The following NCAM2 variants were observed in gnomAD, a reference collection of about 807,000 sequenced individuals.
NCAM2 encodes neural cell adhesion molecule 2.
In NCAM2, 30 loss-of-function variants were observed where a neutral mutation model predicts 98.1. That is an observed-to-expected ratio of 0.31 (90% CI 0.23 to 0.41). NCAM2 has a LOEUF of 0.41. Among genes scored for constraint, NCAM2 ranks in the 10% least tolerant of loss-of-function variants. The pLI is 1.00. For synonymous variants in NCAM2, 368 were observed against 342.4 expected, an observed-to-expected ratio of 1.07 and a Z score of -0.83; for missense variants, 867 against 1,005.8, an observed-to-expected ratio of 0.86 and a Z score of 1.87.
chr21:21,250,042 G>T (rs144931826), intron 1 of NCAM2, among the ~76,000 whole-genome samples: 1 of 152,242 alleles, frequency 6.6e-6, no homozygotes, highest in African/African-American at 2.4e-5. Context: ...GCAGTAATAG[G>T]TTCGGATAGA....
intron 9 of NCAM2, among the ~76,000 whole-genome samples, chr21:21,380,158 GC>G (rs1344391597): frequency 6.6e-6 from 1 of 152,142 alleles, no homozygotes; most frequent in African/African-American, 2.4e-5. Context: ...ACACCCAAGA[GC>G]AATACTTTGC....
intron 12 of NCAM2, among the ~76,000 whole-genome samples, chr21:21,459,580 T>G (rs1982660714): frequency 6.7e-6 from 1 of 149,186 alleles, no homozygotes; most frequent in Non-Finnish European, 1.5e-5. Flanking sequence ...TTTATACATA[T>G]GTATACATTT....
intron 12 of NCAM2, among the ~76,000 whole-genome samples, chr21:21,444,836 A>T (rs775352740): frequency 6.6e-6 from 1 of 150,646 alleles, no homozygotes; most frequent in African/African-American, 2.4e-5. Flanking sequence ...GTCCCCTTCA[A>T]TTCTTCTCTG....
intron 1 of NCAM2, among the ~76,000 whole-genome samples, chr21:21,233,563 A>G (rs1356131349): frequency 1.3e-5 from 2 of 151,728 alleles, no homozygotes; most frequent in African/African-American, 4.8e-5. Flanking sequence ...TATTGTTTAG[A>G]TAAAAATGAT....
At chr21:21,072,311 T>C (rs28416820) in intron 1 of NCAM2, among the ~76,000 whole-genome samples, 13,184 of 152,174 alleles carry the variant, frequency 0.087, 630 homozygotes, top group East Asian at 0.18. Flanking sequence ...CTCAGTAATA[T>C]ATTGTAAGGA....
chr21:21,358,563 A>G (rs150774488), intron 8 of NCAM2, among the ~76,000 whole-genome samples: 1 of 152,078 alleles, frequency 6.6e-6, no homozygotes, highest in African/African-American at 2.4e-5. Flanking sequence ...TTGATATTAA[A>G]TACAACTACA....
chr21:21,031,574 C>A (rs1601148056), intron 1 of NCAM2, among the ~76,000 whole-genome samples: 2 of 152,236 alleles, frequency 1.3e-5, no homozygotes, highest in African/African-American at 2.4e-5. Context: ...GTGATCTACA[C>A]CATCTTGGTT....
chr21:21,148,601 C>G (rs8127261), intron 1 of NCAM2, among the ~76,000 whole-genome samples: 1 of 152,192 alleles, frequency 6.6e-6, no homozygotes, highest in Non-Finnish European at 1.5e-5. Flanking sequence ...TTAGAATCTT[C>G]AAAAGTAGAT....
chr21:21,148,188 AT>A (rs1185981789), intron 1 of NCAM2, among the ~76,000 whole-genome samples: 1 of 152,182 alleles, frequency 6.6e-6, no homozygotes, highest in Non-Finnish European at 1.5e-5. Flanking sequence ...CTGTATAAAC[AT>A]ACTCAGAAAT....
intron 1 of NCAM2, among the ~76,000 whole-genome samples, chr21:21,071,260 A>G (rs367587104): frequency 6.6e-6 from 1 of 152,202 alleles, no homozygotes; most frequent in Admixed American, 6.5e-5. Flanking sequence ...AGGAAGGAAC[A>G]TGAGGAATGA....
Position 21,276,371 on chromosome 21 carries a change from T to C in NCAM2, c.56-4207T>C, listed in dbSNP as rs1312029261. Reference sequence around the variant, plus strand: ...TTTTTAATTTACCCAACTCTACTTATAAGATTGTTATTTCATGCACTTCTT... The same window carrying C: ...TTTTTAATTTACCCAACTCTACTTACAAGATTGTTATTTCATGCACTTCTT... On this transcript the variant is annotated intron_variant, in intron 1 of 17. Coordinates refer to ENST00000400546, the MANE Select transcript of NCAM2 (RefSeq NM_004540.5). Among the ~76,000 whole-genome samples the C allele has an allele frequency of 2.0e-5, 3 of 152,212 alleles. No individual in the cohort carries two copies. In the East Asian group the frequency reaches 5.8e-4, roughly 29 times the overall value.
chr21:21,383,417 T>C (rs569799070), intron 9 of NCAM2, among the ~76,000 whole-genome samples: 5 of 152,184 alleles, frequency 3.3e-5, no homozygotes, highest in African/African-American at 1.2e-4. Context: ...TTTTCCAAGA[T>C]ACCTCTGTCC....
At chr21:21,216,266 A>AT (rs1366071183) in intron 1 of NCAM2, among the ~76,000 whole-genome samples, 4 of 152,196 alleles carry the variant, frequency 2.6e-5, no homozygotes, top group African/African-American at 9.6e-5. Flanking sequence ...ACAACAAAAA[A>AT]CAGAAGTAGA....
chr21:21,287,544 A>T (rs2147539212), intron 4 of NCAM2, among the ~76,000 whole-genome samples: 1 of 152,086 alleles, frequency 6.6e-6, no homozygotes, highest in Non-Finnish European at 1.5e-5. Context: ...ATAATAAAGA[A>T]AAAGCAGTCC....
At chr21:21,146,906 T>A (rs1464655687) in intron 1 of NCAM2, among the ~76,000 whole-genome samples, 1 of 150,848 alleles carries the variant, frequency 6.6e-6, no homozygotes, top group Non-Finnish European at 1.5e-5. Context: ...TCTCGCGCCC[T>A]GTCCCACTCC....
chr21:21,148,981 T>C (rs1326457461), intron 1 of NCAM2, among the ~76,000 whole-genome samples: 1 of 152,154 alleles, frequency 6.6e-6, no homozygotes, highest in Non-Finnish European at 1.5e-5. Flanking sequence ...CTAATGTCCC[T>C]TTTCAAATTT....
intron 15 of NCAM2, among the ~76,000 whole-genome samples, chr21:21,494,596 G>C (rs1287754106): frequency 6.6e-6 from 1 of 151,078 alleles, no homozygotes; most frequent in Non-Finnish European, 1.5e-5. Flanking sequence ...ATTTGGAAAA[G>C]TTTAGAGTTA....
intron 6 of NCAM2, among the ~76,000 whole-genome samples, chr21:21,326,144 T>C (rs2074505803): frequency 6.6e-6 from 1 of 152,182 alleles, no homozygotes; most frequent in Admixed American, 6.5e-5. Context: ...TCATCATTTC[T>C]GAGGCAGAAA....
At chr21:21,483,336 T>C (rs1986059699) in intron 15 of NCAM2, among the ~76,000 whole-genome samples, 1 of 152,000 alleles carries the variant, frequency 6.6e-6, no homozygotes, top group African/African-American at 2.4e-5. Context: ...ACATAATACA[T>C]ACAAAATAGT....
Sources: allele counts gnomAD v4.1 joint callset (sites outside exome capture counted in the v4.1 genomes callset), GRCh38; gene constraint gnomAD v4.1.1; transcripts MANE v1.5; gene names NCBI Gene and HGNC (gene_info 2026-07-23, HGNC 2026-07-21).